ANKRD44: variants seen among roughly 807,000 people sequenced by gnomAD.
ANKRD44 encodes ankyrin repeat domain 44, also known as serine/threonine-protein phosphatase 6 regulatory ankyrin repeat subunit B.
A neutral mutation model predicts 116.0 loss-of-function variants in ANKRD44; 35 were observed. The observed-to-expected ratio is 0.30, with a 90% CI of 0.23 to 0.40. ANKRD44 has a LOEUF of 0.40. Among genes scored for constraint, ANKRD44 ranks in the 10% least tolerant of loss-of-function variants. The pLI is 1.00. For synonymous variants in ANKRD44, 435 were observed against 461.8 expected (o/e 0.94, Z 0.74); for missense variants, 1,014 against 1,242.6 (o/e 0.82, Z 2.77).
chr2:197,033,070 A>G (rs2076738310), intron 16 of ANKRD44, among the ~76,000 whole-genome samples: 1 of 152,158 alleles, frequency 6.6e-6, no homozygotes, highest in Non-Finnish European at 1.5e-5. Flanking sequence ...GATCTGGGAT[A>G]GAGTTATGGA....
At chr2:197,112,986 GAA>G (rs58832539) in intron 8 of ANKRD44, among the ~76,000 whole-genome samples, 132 of 149,754 alleles carry the variant, frequency 8.8e-4, no homozygotes, top group Middle Eastern at 3.4e-3. Flanking sequence ...CATCTTAATT[GAA>G]AAAAAAAAAC....
intron 2 of ANKRD44, among the ~76,000 whole-genome samples, chr2:197,177,136 T>G (rs944162207): frequency 1.3e-5 from 2 of 152,216 alleles, no homozygotes; most frequent in Non-Finnish European, 2.9e-5. Flanking sequence ...CCTCTGCCCA[T>G]TCACTTTTGA....
At chr2:197,290,372 T>C (rs1386584040) in intron 1 of ANKRD44, among the ~76,000 whole-genome samples, 1 of 152,234 alleles carries the variant, frequency 6.6e-6, no homozygotes, top group African/African-American at 2.4e-5. Context: ...CATTTTTTCA[T>C]ATGTTTGTGG....
chr2:197,285,888 T>C (rs1356218416), intron 1 of ANKRD44, among the ~76,000 whole-genome samples: 2 of 152,172 alleles, frequency 1.3e-5, no homozygotes, highest in African/African-American at 4.8e-5. Context: ...TCTGACAAAA[T>C]CAGAATCAGG....
intron 1 of ANKRD44, among the ~76,000 whole-genome samples, chr2:197,254,477 A>G (rs2082395169): frequency 6.6e-6 from 1 of 152,102 alleles, no homozygotes. Flanking sequence ...AAGTGTCCTA[A>G]CAGCGGAGGA....
At chr2:197,021,027 T>C (rs1574291121) in intron 17 of ANKRD44, among the ~76,000 whole-genome samples, 1 of 152,132 alleles carries the variant, frequency 6.6e-6, no homozygotes, top group South Asian at 2.1e-4. Flanking sequence ...AGTTTTCACC[T>C]ATGAGTGAGA....
intron 21 of ANKRD44, among the ~76,000 whole-genome samples, chr2:196,975,304 T>A (rs1289079869): frequency 6.6e-6 from 1 of 152,102 alleles, no homozygotes; most frequent in African/African-American, 2.4e-5. Context: ...GAAATTGAGT[T>A]AGCAATAAAA....
Position 196,987,159 on chromosome 2 carries a change from C to A in ANKRD44, c.*2432G>T, listed in dbSNP as rs2075847172. 1 of 985,160 alleles carries A rather than the reference C, an allele frequency of 1.0e-6. No individual in the cohort carries two copies. The highest frequency in any genetic ancestry group is 6.1e-5 in the Admixed American group (1 of 16,264). 61.0% of individuals were successfully genotyped at this position (985,160 alleles called of 1,614,324 possible). Reference sequence around the variant, plus strand: ...ATTGTCACTATCTTAAAATGCTTTTCCCCTATAATACTGACCTATGGTTTA... The same window carrying A: ...ATTGTCACTATCTTAAAATGCTTTTACCCTATAATACTGACCTATGGTTTA... On this transcript the variant is annotated 3_prime_UTR_variant, in exon 28 of 28. Transcript: ENST00000282272.
At chr2:197,111,570 C>T (rs1024094510) in intron 8 of ANKRD44, among the ~76,000 whole-genome samples, 12 of 150,444 alleles carry the variant, frequency 8.0e-5, no homozygotes, top group African/African-American at 2.7e-4. Context: ...ATCCAGGAGG[C>T]GGAGGTTGCA....
At chr2:197,017,143 G>C (rs1185474084) in intron 17 of ANKRD44, among the ~76,000 whole-genome samples, 2 of 152,168 alleles carry the variant, frequency 1.3e-5, no homozygotes, top group Non-Finnish European at 2.9e-5. Flanking sequence ...AGTATAGATT[G>C]GTGTGACATT....
chr2:196,967,522 A>T, intron 21 of ANKRD44: 1 of 427,684 alleles, frequency 2.3e-6, no homozygotes, highest in Non-Finnish European at 5.0e-6. Context: ...TTCGGTAAAA[A>T]AGAAAGTGCA....
At chr2:197,259,009 C>T (rs938944619) in intron 1 of ANKRD44, among the ~76,000 whole-genome samples, 2 of 152,168 alleles carry the variant, frequency 1.3e-5, no homozygotes, top group Non-Finnish European at 2.9e-5. Context: ...CCAGGGATTC[C>T]GTTATTCAGG....
intron 21 of ANKRD44, chr2:196,967,495 T>C (rs1488585918): frequency 4.5e-6 from 2 of 442,772 alleles, no homozygotes; most frequent in Admixed American, 2.5e-5. Flanking sequence ...TGTGCAATTA[T>C]GTTAATTGTT....
At chr2:197,237,860 T>C (rs1252038309) in intron 1 of ANKRD44, among the ~76,000 whole-genome samples, 5 of 152,264 alleles carry the variant, frequency 3.3e-5, no homozygotes, top group African/African-American at 1.2e-4. Flanking sequence ...TTCCTTTCCA[T>C]GCAGTGCACC....
At chr2:197,009,912 A>G (rs1272131535) in intron 18 of ANKRD44, among the ~76,000 whole-genome samples, 1 of 152,060 alleles carries the variant, frequency 6.6e-6, no homozygotes, top group East Asian at 1.9e-4. Context: ...TCTCCCCACT[A>G]GTCAGCTCCC....
intron 1 of ANKRD44, among the ~76,000 whole-genome samples, chr2:197,294,529 A>G (rs559947042): frequency 7.9e-5 from 12 of 152,210 alleles, no homozygotes; most frequent in African/African-American, 2.2e-4. Context: ...TTCTAATGAA[A>G]TGAACACTGG....
At chr2:197,100,109 T>G (rs2078254860) in intron 9 of ANKRD44, among the ~76,000 whole-genome samples, 179 bp from the exon 10 acceptor site, 1 of 152,182 alleles carries the variant, frequency 6.6e-6, no homozygotes, top group Non-Finnish European at 1.5e-5. Flanking sequence ...GAAGCAGTAG[T>G]AGTAGTATAT....
chr2:197,301,329 C>T (rs34555121), intron 1 of ANKRD44: 43,849 of 151,910 alleles, frequency 0.29, 7,962 homozygotes, highest in South Asian at 0.46. Flanking sequence ...AAACACCCCT[C>T]GATTGCTTGA....
chr2:197,142,535 T>C (rs1022808909), intron 3 of ANKRD44, among the ~76,000 whole-genome samples: 7 of 152,162 alleles, frequency 4.6e-5, no homozygotes, highest in African/African-American at 1.7e-4. Context: ...AACGTGACAA[T>C]TGCTCAAAAC....
Sources: gnomAD v4.1 joint callset for allele counts (sites outside exome capture counted in the v4.1 genomes callset) on GRCh38, gnomAD v4.1.1 for gene constraint, MANE v1.5 for transcripts, NCBI Gene and HGNC (gene_info 2026-07-23, HGNC 2026-07-21) for gene names.